Variants in SARDH observed in about 807,000 individuals in gnomAD.
The protein encoded by SARDH is sarcosine dehydrogenase, mitochondrial.
Under a neutral mutation model 109.1 loss-of-function variants are expected in SARDH, and 95 were observed. The observed-to-expected ratio is 0.87, with a 90% CI of 0.74 to 1.03. The LOEUF is 1.03. Ranked by LOEUF, SARDH falls within the 50% of genes least tolerant of loss-of-function variation. The pLI is 0.00. For missense variants in SARDH, 1,267 were observed against 1,287.8 expected (o/e 0.98, Z 0.25); for synonymous variants, 572 against 534.8 (o/e 1.07, Z -0.96).
chr9:133,699,399 A>G (rs7852531), intron 13 of SARDH, among the ~76,000 whole-genome samples: 73,148 of 151,848 alleles, frequency 0.48, 17,593 homozygotes, highest in Admixed American at 0.5. Context: ...CCAGCTACTG[A>G]GGAGGCTGAG....
intron 17 of SARDH, among the ~76,000 whole-genome samples, chr9:133,675,883 G>A (rs1303085273): frequency 1.3e-5 from 2 of 152,062 alleles, no homozygotes; most frequent in African/African-American, 2.4e-5. Flanking sequence ...TTGAGCCCAG[G>A]AGTCTGAGAC....
chr9:133,733,662 C>T (rs987754139), intron 2 of SARDH, among the ~76,000 whole-genome samples, 181 bp downstream of exon 2: 1 of 152,224 alleles, frequency 6.6e-6, no homozygotes, highest in Admixed American at 6.5e-5. Context: ...AGCTCTTCAG[C>T]GACTGGGAGG....
intron 15 of SARDH, among the ~76,000 whole-genome samples, chr9:133,691,169 AACACACACACACACACACAC>A (rs3081171): frequency 7.1e-5 from 8 of 112,138 alleles, no homozygotes; most frequent in African/African-American, 1.4e-4. Flanking sequence ...CACCTCCCCC[AACACACACACACACACACAC>A]ACACACACAC....
chr9:133,669,713 T>C (rs1830268010), intron 19 of SARDH, among the ~76,000 whole-genome samples: 1 of 151,986 alleles, frequency 6.6e-6, no homozygotes, highest in Non-Finnish European at 1.5e-5. Context: ...TGGGCGTGAG[T>C]CCCCTGCTCC....
rs1392550871 is a variant in SARDH, at chr9:133,692,759, A to G, written c.1921+1499T>C. ...CTTCCACACAGTGCAGGCTCACGTG[A>G]TGACTGTTGAGGGAACGAGCGAAGG... On this transcript the variant is annotated intron_variant, in intron 15 of 20. Coordinates refer to ENST00000439388, the MANE Select transcript of SARDH (RefSeq NM_001134707.2). The surrounding 1 kb of genome is among the most constrained non-coding windows in gnomAD (Gnocchi z 5.0). Among the ~76,000 whole-genome samples the G allele has an allele frequency of 6.6e-6, 1 of 152,048 alleles. No homozygotes were observed. The highest frequency in any genetic ancestry group is 2.4e-5 in the African/African-American group (1 of 41,408).
intron 19 of SARDH, among the ~76,000 whole-genome samples, chr9:133,669,309 T>C (rs1466498981): frequency 2.4e-4 from 7 of 28,840 alleles, no homozygotes; most frequent in Admixed American, 8.2e-4. Context: ...TCTCCCCTCA[T>C]CCTCCCTCAC....
chr9:133,694,855 G>A (rs541418903), intron 14 of SARDH, among the ~76,000 whole-genome samples: 2 of 152,290 alleles, frequency 1.3e-5, no homozygotes, highest in South Asian at 4.1e-4. Context: ...TGGGTGAGCA[G>A]AAGGGGGAAC....
rs370658788 is a variant in SARDH at position 133,694,375 on chromosome 9, C to A, written c.1808-4G>T. On this transcript the variant is annotated splice_polypyrimidine_tract_variant and splice_region_variant and intron_variant, in intron 14 of 20. Coordinates refer to ENST00000439388, the MANE Select transcript of SARDH (RefSeq NM_001134707.2). ...ATGCACGTGTACACGGTGGAGCCTG[C>A]GAGAGGGAGAAGGAAGCCGGGTCTG... 5.4e-5 allele frequency: 83 copies of A among 1,549,282 alleles called. No individual in the cohort carries two copies. Among genetic ancestry groups the A allele is most frequent in the Non-Finnish European group, 7.2e-5 (82 of 1,145,880 alleles).
At chr9:133,670,479 G>T in intron 19 of SARDH, 105 bp downstream of exon 19, 1 of 1,240,726 alleles carries the variant, frequency 8.1e-7, no homozygotes, top group Non-Finnish European at 1.1e-6. Flanking sequence ...CTGGCACATG[G>T]GAAGTGTTGG....
At chr9:133,661,481 C>CT (rs1253912172), downstream of SARDH, among the ~76,000 whole-genome samples, 376 of 151,230 alleles carry the variant, frequency 2.5e-3, 1 homozygote, top group African/African-American at 7.4e-3. Flanking sequence ...TAGGCACTTT[C>CT]TTTTTTTTGT....
chr9:133,710,920 C>G (rs1263256857), intron 10 of SARDH, among the ~76,000 whole-genome samples: 1 of 152,200 alleles, frequency 6.6e-6, no homozygotes, highest in Non-Finnish European at 1.5e-5. Flanking sequence ...CTGGGACCAA[C>G]AGGGTGGGTG....
At position 133,713,143 on chromosome 9, in the gene SARDH, G is replaced by C. The variant is rs1831992445; in HGVS notation, c.1151-19C>G. 6.2e-7 allele frequency: 1 copy of C among 1,605,310 alleles called. No individual in the cohort carries two copies. The highest frequency in any genetic ancestry group is 1.7e-5 in the Admixed American group (1 of 59,594). On this transcript the variant is annotated intron_variant, in intron 8 of 20. Coordinates refer to ENST00000439388, the MANE Select transcript of SARDH (RefSeq NM_001134707.2). ...AAGGATTCTGAAAGAAGGAGAGAGAGGCCTGGAGTCCCTTTTGCAGTGCAC... is the reference window on the plus strand; with the variant it reads ...AAGGATTCTGAAAGAAGGAGAGAGACGCCTGGAGTCCCTTTTGCAGTGCAC...
chr9:133,733,184 G>C (rs570232753), intron 2 of SARDH, among the ~76,000 whole-genome samples: 2 of 152,162 alleles, frequency 1.3e-5, no homozygotes, highest in Non-Finnish European at 2.9e-5. Flanking sequence ...GAGCCGGCTC[G>C]CATCAGCTCT....
intron 8 of SARDH, among the ~76,000 whole-genome samples, chr9:133,716,084 G>A (rs973638962): frequency 1.3e-5 from 2 of 152,228 alleles, no homozygotes; most frequent in African/African-American, 4.8e-5. Context: ...CTCAGATCAC[G>A]TATCCGCGGC....
downstream of SARDH, among the ~76,000 whole-genome samples, chr9:133,660,792 C>G (rs1832402962): frequency 6.6e-6 from 1 of 152,202 alleles, no homozygotes; most frequent in African/African-American, 2.4e-5. Flanking sequence ...TGGGGCGACC[C>G]CAGGCTCCAG....
chr9:133,706,312 G>A (rs1468534085), intron 11 of SARDH, among the ~76,000 whole-genome samples: 1 of 152,184 alleles, frequency 6.6e-6, no homozygotes, highest in African/African-American at 2.4e-5. Context: ...TTTTATCACA[G>A]GATGAACCTT....
chr9:133,671,499 C>T lies in SARDH; in HGVS notation c.2326+36G>A, dbSNP rs772189102. 2.6e-5 allele frequency: 39 copies of T among 1,523,938 alleles called. 1 individual carries two copies. The Admixed American group carries it at 3.5e-4, about 14-fold the overall frequency. 94.4% of individuals were successfully genotyped at this position (1,523,938 alleles called of 1,614,324 possible). ...GAGCGTCACTGCCCCCCACTGCGCCCGCCCCCGCCCCGTGCTGTCCAGACC... is the reference window on the plus strand; with the variant it reads ...GAGCGTCACTGCCCCCCACTGCGCCTGCCCCCGCCCCGTGCTGTCCAGACC... On this transcript the variant is annotated intron_variant, in intron 18 of 20. Transcript: ENST00000439388.
At position 133,702,932 on chromosome 9, in the gene SARDH, G is replaced by A. The variant is rs1395362474; in HGVS notation, c.1652C>T (p.Pro551Leu). The A allele has an allele frequency of 6.2e-7, 1 of 1,612,350 alleles. No homozygotes were observed. Residue 551 changes from proline (P) to leucine (L), a missense_variant, in exon 13 of 21, where the codon CCG becomes CTG. Transcript: ENST00000439388. ...LLADEYTFAF[P>L]PHHDTIKKEC... is the part of the protein sequence containing the mutation. ...GCTACGCACCGTGTCGTGGTGGGGCGGGAAGGCGAAGGTGTACTCGTCTGC... is the reference window on the plus strand; with the variant it reads ...GCTACGCACCGTGTCGTGGTGGGGCAGGAAGGCGAAGGTGTACTCGTCTGC...
chr9:133,679,086 A>C (rs993491339), intron 17 of SARDH, among the ~76,000 whole-genome samples: 1 of 152,084 alleles, frequency 6.6e-6, no homozygotes, highest in South Asian at 2.1e-4. Context: ...CCCACTCCAC[A>C]AACACCCTCG....
Sources: gnomAD v4.1 joint callset for allele counts (sites outside exome capture counted in the v4.1 genomes callset) on GRCh38, gnomAD v4.1.1 for gene constraint, Gnocchi (gnomAD v3.1) non-coding constraint, MANE v1.5 for transcripts, NCBI Gene and HGNC (gene_info 2026-07-23, HGNC 2026-07-21) for gene names.